MARCHF1: variants seen among roughly 807,000 people sequenced by gnomAD.
MARCHF1 encodes E3 ubiquitin-protein ligase MARCHF1.
In MARCHF1, 40 loss-of-function variants were observed where a neutral mutation model predicts 54.2. The observed-to-expected ratio is 0.74, with a 90% confidence interval of 0.57 to 0.96. The LOEUF (loss-of-function observed/expected upper bound fraction) is 0.96. MARCHF1 is among the 40% of genes least tolerant of loss of function. The probability of loss-of-function intolerance (pLI) is 0.00; values close to 1 mark genes in which losing one functional copy is unlikely to be tolerated. For synonymous variants in MARCHF1, 236 were observed against 236.3 expected, an observed-to-expected ratio of 1.00 and a Z score of 0.01; for missense variants, 586 against 656.5, an observed-to-expected ratio of 0.89 and a Z score of 1.17.
intron 2 of MARCHF1, among the ~76,000 whole-genome samples, chr4:164,056,101 C>T (rs1376307991): frequency 1.3e-5 from 2 of 152,136 alleles, no homozygotes; most frequent in African/African-American, 4.8e-5. Flanking sequence ...TTAATTGGTG[C>T]TTGGGTCACA....
chr4:164,225,833 CTCATTT>C (rs1732237529), intron 1 of MARCHF1, among the ~76,000 whole-genome samples: 1 of 151,998 alleles, frequency 6.6e-6, no homozygotes, highest in Non-Finnish European at 1.5e-5. Context: ...GGCATAAGTA[CTCATTT>C]AAAAGATTTC....
chr4:164,105,949 G>T (rs1175812035), intron 2 of MARCHF1, among the ~76,000 whole-genome samples: 1 of 146,206 alleles, frequency 6.8e-6, no homozygotes, highest in Non-Finnish European at 1.5e-5. Context: ...TCAAAAAGTG[G>T]GCGAAGGACA....
intron 1 of MARCHF1, among the ~76,000 whole-genome samples, chr4:164,209,420 G>C (rs1731704207): frequency 6.6e-6 from 1 of 152,078 alleles, no homozygotes; most frequent in African/African-American, 2.4e-5. Flanking sequence ...TAGTACACTG[G>C]CCAGAACTTA....
chr4:163,697,845 A>G (rs1462912562), intron 5 of MARCHF1, among the ~76,000 whole-genome samples: 2 of 152,222 alleles, frequency 1.3e-5, no homozygotes, highest in African/African-American at 4.8e-5. Context: ...TCAGATCACT[A>G]ACATTTTCCT....
chr4:163,531,811 C>T (rs375877677), intron 9 of MARCHF1, among the ~76,000 whole-genome samples: 26 of 151,510 alleles, frequency 1.7e-4, no homozygotes, highest in East Asian at 1.2e-3. Context: ...AAATTAAAAA[C>T]ATAAGCCCAT....
chr4:164,232,266 A>G (rs1246130657), intron 1 of MARCHF1, among the ~76,000 whole-genome samples: 1 of 152,134 alleles, frequency 6.6e-6, no homozygotes, highest in Admixed American at 6.6e-5. Context: ...ATCACACGAC[A>G]TTTATGCCCA....
chr4:164,052,396 G>A (rs2111046737), intron 2 of MARCHF1, among the ~76,000 whole-genome samples: 1 of 152,152 alleles, frequency 6.6e-6, no homozygotes, highest in Admixed American at 6.5e-5. Context: ...GCTGGGCGTG[G>A]TGGCAGGTGC....
intron 1 of MARCHF1, among the ~76,000 whole-genome samples, chr4:164,162,205 G>T (rs894282265): frequency 4.6e-5 from 7 of 152,180 alleles, no homozygotes; most frequent in African/African-American, 1.7e-4. Flanking sequence ...TTACCAAATA[G>T]ATTTGATAAA....
At chr4:164,227,214 C>T (rs1732283640) in intron 1 of MARCHF1, among the ~76,000 whole-genome samples, 1 of 151,996 alleles carries the variant, frequency 6.6e-6, no homozygotes, top group Non-Finnish European at 1.5e-5. Flanking sequence ...TGGTGGAAGA[C>T]ACCTCTTCAC....
chr4:164,118,646 G>A lies in MARCHF1; in HGVS notation c.-322-6984C>T, dbSNP rs1182247765. Reference sequence around the variant, plus strand: ...TTTTCACAAAATAAAATTCAATTCTGTTCTCAATACAGGAGCCATAGCTAA... The same window carrying A: ...TTTTCACAAAATAAAATTCAATTCTATTCTCAATACAGGAGCCATAGCTAA... On this transcript the variant is annotated intron_variant, in intron 1 of 9. Transcript: ENST00000514618. 2.0e-5 allele frequency among the ~76,000 whole-genome samples: 3 copies of A among 151,452 alleles called. 1 individual carries two copies. The highest frequency in any genetic ancestry group is 4.4e-5 in the Non-Finnish European group (3 of 67,780).
intron 8 of MARCHF1, among the ~76,000 whole-genome samples, chr4:163,568,308 CTTTG>C (rs1739718012): frequency 6.6e-6 from 1 of 151,986 alleles, no homozygotes; most frequent in Non-Finnish European, 1.5e-5. Flanking sequence ...AATGATAATT[CTTTG>C]TTTTTTATTT....
rs546367044 is a variant in MARCHF1 at position 163,666,002 on chromosome 4, C to T, written c.162+34811G>A. ...CATCAATGTTCATGCCACATGCAGA[C>T]GTGCTCACTAAAATTCTCCTGTGGG... On this transcript the variant is annotated intron_variant, in intron 5 of 9. Transcript: ENST00000514618. 1.4e-4 allele frequency among the ~76,000 whole-genome samples: 22 copies of T among 152,224 alleles called. No individual in the cohort carries two copies. The South Asian group carries it at 1.7e-3, about 11-fold the overall frequency.
chr4:163,864,223 C>T (rs998743945), intron 3 of MARCHF1, among the ~76,000 whole-genome samples: 9 of 151,762 alleles, frequency 5.9e-5, no homozygotes, highest in African/African-American at 2.2e-4. Flanking sequence ...ATACCTTAGC[C>T]AGGTAATCAA....
At chr4:163,621,449 T>C (rs1244459680) in intron 5 of MARCHF1, among the ~76,000 whole-genome samples, 6 of 152,226 alleles carry the variant, frequency 3.9e-5, no homozygotes, top group Non-Finnish European at 5.9e-5. Context: ...TAGAAACCAC[T>C]GGTTTAGGTT....
intron 3 of MARCHF1, among the ~76,000 whole-genome samples, chr4:163,899,889 T>G (rs1750901334): frequency 1.4e-5 from 1 of 70,748 alleles, no homozygotes; most frequent in African/African-American, 4.3e-5. Context: ...TCTTTTTTTC[T>G]TTTTTTAAAC....
intron 5 of MARCHF1, among the ~76,000 whole-genome samples, chr4:163,688,711 A>G (rs1207325232): frequency 6.6e-6 from 1 of 152,168 alleles, no homozygotes; most frequent in East Asian, 1.9e-4. Flanking sequence ...GGAGAAAATA[A>G]TGATTGCTAA....
chr4:164,375,671 A>C (rs1302459826), intron 1 of MARCHF1, among the ~76,000 whole-genome samples: 1 of 152,196 alleles, frequency 6.6e-6, no homozygotes, highest in African/African-American at 2.4e-5. Flanking sequence ...CCCCTACTAC[A>C]TGCACATACA....
intron 4 of MARCHF1, among the ~76,000 whole-genome samples, chr4:163,780,010 T>G (rs1747418695): frequency 6.6e-6 from 1 of 152,172 alleles, no homozygotes; most frequent in Non-Finnish European, 1.5e-5. Flanking sequence ...TGAGGACACC[T>G]AAGTCTGGGA....
chr4:163,689,582 G>T (rs1446875737), intron 5 of MARCHF1, among the ~76,000 whole-genome samples: 1 of 151,930 alleles, frequency 6.6e-6, no homozygotes, highest in Non-Finnish European at 1.5e-5. Context: ...ATGGCTAATG[G>T]CTACCATACT....
Sources: gnomAD v4.1 joint callset for allele counts (sites outside exome capture counted in the v4.1 genomes callset) on GRCh38, gnomAD v4.1.1 for gene constraint, MANE v1.5 for transcripts, NCBI Gene and HGNC (gene_info 2026-07-23, HGNC 2026-07-21) for gene names.